ZFHX4: variants seen among roughly 807,000 people sequenced by gnomAD.
The protein encoded by ZFHX4 is zinc finger homeobox protein 4.
ZFHX4 carries 56 observed loss-of-function variants against 267.6 expected under a neutral mutation model. The ratio of observed to expected loss-of-function variants is 0.21; its 90% CI spans 0.17 to 0.26. ZFHX4 has a LOEUF of 0.26. Among genes scored for constraint, ZFHX4 ranks in the 10% least tolerant of loss-of-function variants. ZFHX4 has a pLI of 1.00. For missense variants in ZFHX4, 4,332 were observed against 4,420.0 expected, an observed-to-expected ratio of 0.98 and a Z score of 0.56; for synonymous variants, 1,778 against 1,665.6, an observed-to-expected ratio of 1.07 and a Z score of -1.64.
chr8:76,717,450 C>T (rs1046328943), intron 3 of ZFHX4, among the ~76,000 whole-genome samples: 7 of 152,210 alleles, frequency 4.6e-5, no homozygotes, highest in African/African-American at 1.7e-4. Context: ...CAGTCACTGA[C>T]ATTGCTGCAG....
chr8:76,833,636 T>G, intron 5 of ZFHX4: 1 of 423,062 alleles, frequency 2.4e-6, no homozygotes, highest in Non-Finnish European at 4.4e-6. Flanking sequence ...ATTTCCCCAA[T>G]ACCCTCTCCC....
intron 4 of ZFHX4, among the ~76,000 whole-genome samples, chr8:76,813,163 G>C (rs1811420616): frequency 6.6e-6 from 1 of 151,954 alleles, no homozygotes; most frequent in South Asian, 2.1e-4. Flanking sequence ...TCTTGACTTT[G>C]GGATTTATTG....
Position 76,852,197 on chromosome 8 carries a change from C to T in ZFHX4, c.5276C>T (p.Ser1759Phe). The T allele has an allele frequency of 6.2e-7, 1 of 1,613,868 alleles. No homozygotes were observed. Among genetic ancestry groups the T allele is most frequent in the Non-Finnish European group, 8.5e-7 (1 of 1,179,838 alleles). The change falls in exon 10 of 11, where the codon TCT (serine) becomes TTT (phenylalanine). Residue 1759 changes from serine (S) to phenylalanine (F), a missense_variant. By Grantham distance (155) the Ser-to-Phe change is radical. Around this residue, in one of 7 missense-constraint regions of ZFHX4, gnomAD observed 1,371 missense variants for 1,423.1 expected, o/e 0.96. Coordinates refer to ENST00000651372, the MANE Select transcript of ZFHX4 (RefSeq NM_024721.5). Reference protein sequence around the residue: ...SLGPDLGLPGSATFGMPGMTG... With the variant: ...SLGPDLGLPGFATFGMPGMTG... Reference sequence around the variant, plus strand: ...GGGCCAGATTTGGGCTTGCCAGGCTCTGCCACATTTGGGATGCCTGGCATG... The same window carrying T: ...GGGCCAGATTTGGGCTTGCCAGGCTTTGCCACATTTGGGATGCCTGGCATG...
At chr8:76,760,857 C>T (rs986821221) in intron 3 of ZFHX4, among the ~76,000 whole-genome samples, 8 of 142,062 alleles carry the variant, frequency 5.6e-5, no homozygotes, top group Non-Finnish European at 7.5e-5. Flanking sequence ...CGAGCCAAAG[C>T]GATTGAGGCT....
chr8:76,790,355 A>G (rs1810802022), intron 4 of ZFHX4, among the ~76,000 whole-genome samples: 1 of 152,176 alleles, frequency 6.6e-6, no homozygotes, highest in Non-Finnish European at 1.5e-5. Flanking sequence ...ATCTTAAGTC[A>G]CAAAATTGAG....
At chr8:76,691,516 C>G (rs984288839) in intron 1 of ZFHX4, among the ~76,000 whole-genome samples, 1 of 151,990 alleles carries the variant, frequency 6.6e-6, no homozygotes, top group African/African-American at 2.4e-5. Context: ...TTTGATTCTG[C>G]GTACTTTGGT....
chr8:76,708,033 C>T lies in ZFHX4; in HGVS notation c.3078C>T (p.Ala1026=). The T allele has an allele frequency of 6.2e-7, 1 of 1,613,404 alleles. No homozygotes were observed. The highest frequency in any genetic ancestry group is 8.5e-7 in the Non-Finnish European group (1 of 1,179,874). The part of the protein sequence containing the change: ...LHTTNHRHEA[A]LKLYKHLQKQ... The stretch of plus-strand genomic sequence containing the variant: ...CCACCAATCACAGGCACGAGGCGGC[C>T]CTGAAGCTCTACAAGGTAAGCAGTG... Residue 1026 remains alanine (A), a synonymous_variant, in exon 3 of 11, where the codon GCC becomes GCT. Coordinates refer to ENST00000651372, the MANE Select transcript of ZFHX4 (RefSeq NM_024721.5).
intron 5 of ZFHX4, chr8:76,834,270 T>C (rs928117305): frequency 9.5e-5 from 26 of 274,644 alleles, no homozygotes; most frequent in Admixed American, 3.7e-4. Context: ...AATTACTAGA[T>C]TGTATGATAA....
intron 4 of ZFHX4, among the ~76,000 whole-genome samples, chr8:76,798,683 T>C (rs1445264346): frequency 6.6e-6 from 1 of 152,244 alleles, no homozygotes; most frequent in African/African-American, 2.4e-5. Context: ...GAATTACTTC[T>C]AGGTATAAAC....
intron 1 of ZFHX4, chr8:76,682,992 T>G (rs1435508517): frequency 6.6e-6 from 1 of 152,158 alleles, no homozygotes; most frequent in African/African-American, 2.4e-5. Context: ...TACAGAAGGT[T>G]CCCTATTCTA....
chr8:76,780,016 A>T (rs1585936975), intron 4 of ZFHX4, among the ~76,000 whole-genome samples: 1 of 151,832 alleles, frequency 6.6e-6, no homozygotes, highest in African/African-American at 2.4e-5. Flanking sequence ...AAGCAAAAAG[A>T]TATGTTCAAA....
At chr8:76,845,419 G>A (rs1313312047) in intron 6 of ZFHX4, among the ~76,000 whole-genome samples, 1 of 151,866 alleles carries the variant, frequency 6.6e-6, no homozygotes, top group African/African-American at 2.4e-5. Context: ...TTTTAATAAG[G>A]GAGTAAACAT....
At chr8:76,799,004 T>C (rs1811053115) in intron 4 of ZFHX4, among the ~76,000 whole-genome samples, 2 of 152,208 alleles carry the variant, frequency 1.3e-5, no homozygotes, top group African/African-American at 2.4e-5. Context: ...TATAAAGTCA[T>C]CTTTCTTTCA....
At chr8:76,682,538 T>A (rs1807565996) in intron 1 of ZFHX4, 1 of 152,308 alleles carries the variant, frequency 6.6e-6, no homozygotes, top group Non-Finnish European at 1.5e-5. Flanking sequence ...TCGCCCGGCC[T>A]CTGGGCCAGG....
At chr8:76,707,151 A>T (rs1413772081) in intron 2 of ZFHX4, among the ~76,000 whole-genome samples, 1 of 152,236 alleles carries the variant, frequency 6.6e-6, no homozygotes, top group Non-Finnish European at 1.5e-5. Flanking sequence ...GGTATTTGGC[A>T]GTAGATTACA....
intron 3 of ZFHX4, among the ~76,000 whole-genome samples, chr8:76,769,808 AT>A (rs1297582925): frequency 7.6e-6 from 1 of 132,014 alleles, no homozygotes; most frequent in East Asian, 2.4e-4. Flanking sequence ...TAATATTTAA[AT>A]AAAAAAACTG....
At chr8:76,723,173 A>G (rs1261644844) in intron 3 of ZFHX4, among the ~76,000 whole-genome samples, 2 of 152,110 alleles carry the variant, frequency 1.3e-5, no homozygotes, top group Admixed American at 1.3e-4. Context: ...AGCAGTAGTA[A>G]GTGATGCTCA....
chr8:76,839,717 T>C (rs1358880803), intron 5 of ZFHX4, among the ~76,000 whole-genome samples: 1 of 152,210 alleles, frequency 6.6e-6, no homozygotes, highest in Admixed American at 6.5e-5. Context: ...TTTGGAATTT[T>C]ATGTAGTATA....
At chr8:76,723,761 T>C (rs576497880) in intron 3 of ZFHX4, among the ~76,000 whole-genome samples, 2 of 152,134 alleles carry the variant, frequency 1.3e-5, no homozygotes, top group South Asian at 2.1e-4. Context: ...TGATTACTTA[T>C]TGTAAATAGG....
Sources: allele counts gnomAD v4.1 joint callset (sites outside exome capture counted in the v4.1 genomes callset), GRCh38; gene constraint gnomAD v4.1.1; regional missense constraint gnomAD v4.1.1; transcripts MANE v1.5; gene names NCBI Gene and HGNC (gene_info 2026-07-23, HGNC 2026-07-21).